CHN2: variants seen among roughly 807,000 people sequenced by gnomAD.
The protein encoded by CHN2 is beta-chimaerin.
Under a neutral mutation model 56.3 loss-of-function variants are expected in CHN2, and 35 were observed. That is an observed-to-expected ratio of 0.62 (90% CI 0.47 to 0.82). The LOEUF is 0.82. Among genes scored for constraint, CHN2 ranks in the 40% least tolerant of loss-of-function variants. The pLI is 0.00. For synonymous variants in CHN2, 210 were observed against 212.8 expected (o/e 0.99, Z 0.12); for missense variants, 491 against 580.5 (o/e 0.85, Z 1.58).
intron 6 of CHN2, among the ~76,000 whole-genome samples, chr7:29,434,613 T>G (rs931174011): frequency 9.2e-5 from 14 of 152,206 alleles, no homozygotes; most frequent in African/African-American, 3.4e-4. Flanking sequence ...AATCCTGTCA[T>G]TGGATTAGGG....
At chr7:29,181,649 T>C (rs1798067855) in intron 2 of CHN2, among the ~76,000 whole-genome samples, 1 of 152,214 alleles carries the variant, frequency 6.6e-6, no homozygotes, top group African/African-American at 2.4e-5. Flanking sequence ...GAAAGTAGCT[T>C]TATTATGGCC....
intron 3 of CHN2, among the ~76,000 whole-genome samples, chr7:29,389,601 A>T (rs1801200486): frequency 6.6e-6 from 1 of 152,146 alleles, no homozygotes; most frequent in Non-Finnish European, 1.5e-5. Context: ...AAGGATATTC[A>T]CAAGAAAGGG....
Position 29,398,382 on chromosome 7 carries a change from G to A in CHN2, c.186G>A (p.Gly62=), listed in dbSNP as rs1801935640. The A allele has an allele frequency of 1.9e-6, 3 of 1,612,486 alleles. No individual in the cohort carries two copies. Among genetic ancestry groups the A allele is most frequent in the African/African-American group, 1.3e-5 (1 of 75,000 alleles). Residue 62 remains glycine, a synonymous_variant, in exon 5 of 13, where the codon GGG becomes GGA. Transcript: ENST00000222792. ...GGTCTTGTACCTTCAGGTTTCATGG[G>A]ATCATCTCTCGGGAGCAGGCGGATG... ...RPKYYGREFH[G]IISREQADEL...
chr7:29,501,232 C>T (rs889390178), intron 9 of CHN2, among the ~76,000 whole-genome samples: 1 of 152,208 alleles, frequency 6.6e-6, no homozygotes, highest in Non-Finnish European at 1.5e-5. Flanking sequence ...ATCCTGTTCC[C>T]TGAGAACTTG....
At chr7:29,247,099 T>C (rs559535852) in intron 1 of CHN2, among the ~76,000 whole-genome samples, 8 of 152,230 alleles carry the variant, frequency 5.3e-5, no homozygotes, top group Admixed American at 4.6e-4. Flanking sequence ...AGTGTTGGCA[T>C]CTTTGCCTGG....
At chr7:29,346,066 G>C (rs896831411) in intron 1 of CHN2, among the ~76,000 whole-genome samples, 1 of 152,124 alleles carries the variant, frequency 6.6e-6, no homozygotes, top group Non-Finnish European at 1.5e-5. Flanking sequence ...AATTTCTCAG[G>C]GGAGTGCAGG....
intron 6 of CHN2, among the ~76,000 whole-genome samples, chr7:29,473,480 T>TGTGTGTGTGTG (rs1221993716): frequency 1.2e-4 from 16 of 130,996 alleles, no homozygotes; most frequent in East Asian, 6.4e-4. Flanking sequence ...GTTTTTTTTT[T>TGTGTGTGTGTG]TTTGTGTGTG....
chr7:29,389,881 C>A (rs1801221399), intron 3 of CHN2, among the ~76,000 whole-genome samples: 1 of 151,220 alleles, frequency 6.6e-6, no homozygotes, highest in African/African-American at 2.4e-5. Context: ...TGGTGAAACC[C>A]CCGTCTCTAC....
At position 29,245,454 on chromosome 7, in the gene CHN2, G is replaced by A. The variant is rs191089771; in HGVS notation, c.49+50464G>A. On this transcript the variant is annotated intron_variant, in intron 1 of 12. Coordinates refer to ENST00000222792, the MANE Select transcript of CHN2 (RefSeq NM_004067.4). ...AAAACAAGGTGGTAGGTACTTCAGT[G>A]GGGACAAGTAAGAGTAAGAAATAGT... is the stretch of plus-strand genomic sequence containing the variant. Among the ~76,000 whole-genome samples, 186 of 152,266 alleles carry A rather than the reference G, an allele frequency of 1.2e-3. 1 individual carries two copies. Among genetic ancestry groups the A allele is most frequent in the African/African-American group, 4.4e-3 (181 of 41,556 alleles).
chr7:29,385,657 G>A (rs1800861319), intron 3 of CHN2, among the ~76,000 whole-genome samples: 1 of 152,206 alleles, frequency 6.6e-6, no homozygotes, highest in Non-Finnish European at 1.5e-5. Flanking sequence ...AGAGAACAAT[G>A]TGACGAGATT....
chr7:29,218,081 A>C (rs1785473310), intron 1 of CHN2, among the ~76,000 whole-genome samples: 1 of 152,160 alleles, frequency 6.6e-6, no homozygotes, highest in Admixed American at 6.5e-5. Flanking sequence ...TTAAGAAAAA[A>C]AAGACACTTA....
At chr7:29,444,434 T>G (rs1783890259) in intron 6 of CHN2, among the ~76,000 whole-genome samples, 1 of 152,168 alleles carries the variant, frequency 6.6e-6, no homozygotes, top group Non-Finnish European at 1.5e-5. Flanking sequence ...GCCCAAGGAA[T>G]ATCAATGACC....
chr7:29,400,973 T>C lies in CHN2; in HGVS notation c.576+145T>C, dbSNP rs536305132. ...CTAGAATGTTAGGGCCAAAGGGACC[T>C]TAGAAATCTTCTAGCTCAGGCCGGG... On this transcript the variant is annotated intron_variant, in intron 6 of 12. Coordinates refer to ENST00000222792, the MANE Select transcript of CHN2 (RefSeq NM_004067.4). The C allele has an allele frequency of 3.3e-5, 26 of 785,566 alleles. No individual in the cohort carries two copies. The East Asian group carries it at 6.4e-4, about 19-fold the overall frequency. The allele number at this position is 785,566 out of a possible 1,614,324, so 48.7% of individuals were successfully genotyped here. A position where few individuals can be genotyped will look rare whatever the true frequency, so the allele number is the denominator to read the frequency against.
intron 1 of CHN2, among the ~76,000 whole-genome samples, chr7:29,340,056 A>G (rs1459609674): frequency 6.6e-6 from 1 of 152,092 alleles, no homozygotes; most frequent in Admixed American, 6.6e-5. Flanking sequence ...TTTTCTTTCA[A>G]AAGATCAAGG....
intron 2 of CHN2, among the ~76,000 whole-genome samples, chr7:29,187,285 T>C (rs921658774): frequency 9.9e-5 from 15 of 152,094 alleles, no homozygotes; most frequent in African/African-American, 3.6e-4. Flanking sequence ...CCAATGGGAC[T>C]GGGTGGGGAA....
intron 6 of CHN2, among the ~76,000 whole-genome samples, chr7:29,447,956 T>C (rs1784143933): frequency 6.6e-6 from 1 of 152,204 alleles, no homozygotes; most frequent in Non-Finnish European, 1.5e-5. Flanking sequence ...GTTTAGATAG[T>C]CTGGGATGAG....
At chr7:29,206,032 C>T (rs1784498128) in intron 1 of CHN2, among the ~76,000 whole-genome samples, 1 of 152,036 alleles carries the variant, frequency 6.6e-6, no homozygotes, top group Admixed American at 6.6e-5. Context: ...ACCTTATTCC[C>T]TTGCTTTTCT....
At chr7:29,484,585 T>A (rs894520773) in intron 7 of CHN2, among the ~76,000 whole-genome samples, 4 of 152,236 alleles carry the variant, frequency 2.6e-5, no homozygotes, top group Non-Finnish European at 5.9e-5. Flanking sequence ...ATCTGTCATC[T>A]TCTTATAAGG....
intron 6 of CHN2, among the ~76,000 whole-genome samples, chr7:29,456,891 G>C (rs2128134738): frequency 6.6e-6 from 1 of 152,244 alleles, no homozygotes; most frequent in South Asian, 2.1e-4. Context: ...GAAAGCACCA[G>C]GAGCTGGAAG....
Sources: allele counts gnomAD v4.1 joint callset (sites outside exome capture counted in the v4.1 genomes callset), GRCh38; gene constraint gnomAD v4.1.1; transcripts MANE v1.5; gene names NCBI Gene and HGNC (gene_info 2026-07-23, HGNC 2026-07-21).